The following PCDH15 variants were observed in gnomAD, a reference collection of about 807,000 sequenced individuals.
The protein encoded by PCDH15 is protocadherin-15.
A neutral mutation model predicts 178.5 loss-of-function variants in PCDH15; 129 were observed. The observed-to-expected ratio is 0.72, with a 90% CI of 0.63 to 0.84. The LOEUF is 0.84. Among genes scored for constraint, PCDH15 ranks in the 40% least tolerant of loss-of-function variants. PCDH15 has a pLI of 0.00. For synonymous variants in PCDH15, 800 were observed against 732.0 expected, an observed-to-expected ratio of 1.09 and a Z score of -1.50; for missense variants, 2,230 against 2,099.9, an observed-to-expected ratio of 1.06 and a Z score of -1.21.
chr10:55,582,912 C>T (rs1182638644), intron 2 of PCDH15, among the ~76,000 whole-genome samples: 1 of 151,576 alleles, frequency 6.6e-6, no homozygotes, highest in Non-Finnish European at 1.5e-5. Context: ...TACGTAATTG[C>T]CATTAATATA....
At chr10:54,582,867 T>C (rs1040121206) in intron 2 of PCDH15, among the ~76,000 whole-genome samples, 5 of 152,192 alleles carry the variant, frequency 3.3e-5, no homozygotes, top group African/African-American at 1.2e-4. Context: ...CTCTAGGCAA[T>C]AGAGCAAGAA....
At chr10:54,960,798 C>G (rs1231363420) in intron 2 of PCDH15, among the ~76,000 whole-genome samples, 1 of 152,096 alleles carries the variant, frequency 6.6e-6, no homozygotes, top group African/African-American at 2.4e-5. Context: ...TTAAAAGATA[C>G]ATTGAGCCAA....
intron 8 of PCDH15, among the ~76,000 whole-genome samples, chr10:54,271,259 GA>G (rs1209527652): frequency 6.6e-6 from 1 of 152,108 alleles, no homozygotes; most frequent in Non-Finnish European, 1.5e-5. Flanking sequence ...CACCTAGGCT[GA>G]AGTACAATGG....
intron 2 of PCDH15, among the ~76,000 whole-genome samples, chr10:55,425,542 AC>A (rs921382066): frequency 3.9e-5 from 6 of 152,122 alleles, no homozygotes; most frequent in African/African-American, 1.4e-4. Context: ...ACAATTTTCC[AC>A]AAATTCTCAA....
intron 1 of PCDH15, among the ~76,000 whole-genome samples, chr10:54,785,674 T>A (rs1950794663): frequency 6.6e-6 from 1 of 152,022 alleles, no homozygotes; most frequent in Non-Finnish European, 1.5e-5. Flanking sequence ...TCTATACTAA[T>A]TCTTTGTAAA....
intron 9 of PCDH15, among the ~76,000 whole-genome samples, chr10:54,219,089 T>TAAAAAAAAAAAAA (rs746481539): frequency 1.0e-5 from 1 of 100,108 alleles, no homozygotes; most frequent in Non-Finnish European, 1.9e-5. Flanking sequence ...CTGTCTCTAC[T>TAAAAAAAAAAAAA]AAAAAAAAAA....
intron 2 of PCDH15, among the ~76,000 whole-genome samples, chr10:55,092,801 C>T (rs1842348400): frequency 6.6e-6 from 1 of 151,816 alleles, no homozygotes. Flanking sequence ...ATAAGTTGAT[C>T]AATTAACAAA....
chr10:54,705,219 T>C (rs914528646), intron 1 of PCDH15, among the ~76,000 whole-genome samples: 1 of 152,064 alleles, frequency 6.6e-6, no homozygotes, highest in African/African-American at 2.4e-5. Flanking sequence ...ACTATAATTA[T>C]TACCTTGGGT....
At chr10:54,378,308 C>T (rs764025637) in intron 4 of PCDH15, among the ~76,000 whole-genome samples, 1 of 125,520 alleles carries the variant, frequency 8.0e-6, no homozygotes, top group Admixed American at 7.7e-5. Context: ...AACTTTTTCT[C>T]ATTTTTTTTT....
intron 2 of PCDH15, chr10:55,597,288 A>T (rs1218369660): frequency 2.6e-5 from 4 of 152,160 alleles, no homozygotes; most frequent in Admixed American, 2.6e-4. Context: ...ACGCACACGT[A>T]CGTTCACGCA....
intron 2 of PCDH15, among the ~76,000 whole-genome samples, chr10:54,657,215 G>T (rs1260473223): frequency 1.3e-5 from 2 of 152,124 alleles, no homozygotes; most frequent in Non-Finnish European, 2.9e-5. Flanking sequence ...TAAACTGAAG[G>T]TCATGAGCAA....
chr10:54,853,191 C>T (rs118083741), intron 3 of PCDH15, among the ~76,000 whole-genome samples: 9,411 of 149,302 alleles, frequency 0.063, 383 homozygotes, highest in South Asian at 0.12. Context: ...ACCTGGTTGG[C>T]GGAGGTTGTA....
chr10:53,851,710 ATATATATATATATT>A (rs1424937817), intron 28 of PCDH15, among the ~76,000 whole-genome samples: 4 of 137,032 alleles, frequency 2.9e-5, no homozygotes, highest in African/African-American at 1.1e-4. Context: ...ATATATATAT[ATATATATATATATT>A]TACACACACA....
chr10:53,842,970 G>A lies in PCDH15; in HGVS notation c.3807-2474C>T, dbSNP rs929870154. Among the ~76,000 whole-genome samples the A allele has an allele frequency of 5.3e-5, 8 of 152,206 alleles. No individual in the cohort carries two copies. In the East Asian group the frequency reaches 1.5e-3, roughly 29 times the overall value. ...TAATTGTGTGTGATCCTACAGTGAA[G>A]AAACATATCTATTGTGCTTGGGTTC... On this transcript the variant is annotated intron_variant, in intron 28 of 37. Transcript: ENST00000644397.
At chr10:55,349,954 A>C (rs1844867294) in intron 2 of PCDH15, among the ~76,000 whole-genome samples, 1 of 151,816 alleles carries the variant, frequency 6.6e-6, no homozygotes, top group African/African-American at 2.4e-5. Context: ...ACTTGGTATA[A>C]TAATCCATTC....
chr10:55,594,691 C>A (rs541854692), intron 2 of PCDH15, among the ~76,000 whole-genome samples: 113 of 151,990 alleles, frequency 7.4e-4, no homozygotes, highest in African/African-American at 2.6e-3. Context: ...TGTATAAAAA[C>A]AGGATTTTTA....
chr10:54,532,224 T>C, intron 2 of PCDH15, among the ~76,000 whole-genome samples: 1 of 152,304 alleles, frequency 6.6e-6, no homozygotes, highest in East Asian at 1.9e-4. Context: ...ATTTACCATT[T>C]ATTTTAGGTT....
intron 13 of PCDH15, among the ~76,000 whole-genome samples, chr10:54,162,057 A>G (rs1292188084): frequency 6.6e-6 from 1 of 152,170 alleles, no homozygotes; most frequent in Non-Finnish European, 1.5e-5. Flanking sequence ...TATCGAAAAT[A>G]ACAAAGATAA....
chr10:55,306,274 AT>A (rs1156928283), intron 1 of PCDH15, among the ~76,000 whole-genome samples: 1 of 152,222 alleles, frequency 6.6e-6, no homozygotes, highest in African/African-American at 2.4e-5. Flanking sequence ...ACTCAGCAAG[AT>A]TTTAATTCTA....
Sources: gnomAD v4.1 joint callset for allele counts (sites outside exome capture counted in the v4.1 genomes callset) on GRCh38, gnomAD v4.1.1 for gene constraint, MANE v1.5 for transcripts, NCBI Gene and HGNC (gene_info 2026-07-23, HGNC 2026-07-21) for gene names.